Variants in SREBF2 observed in about 807,000 individuals in gnomAD.
The protein encoded by SREBF2 is sterol regulatory element binding transcription factor 2, also known as sterol regulatory element-binding protein 2.
In SREBF2, 55 loss-of-function variants were observed where a neutral mutation model predicts 113.1. The ratio of observed to expected loss-of-function variants is 0.49; its 90% CI spans 0.39 to 0.61. SREBF2 has a LOEUF of 0.61. SREBF2 is among the 20% of genes least tolerant of loss of function. The probability of loss-of-function intolerance (pLI) is 0.00; values close to 1 mark genes in which losing one functional copy is unlikely to be tolerated. For synonymous variants in SREBF2, 593 were observed against 605.7 expected, an observed-to-expected ratio of 0.98 and a Z score of 0.31; for missense variants, 1,349 against 1,487.4, an observed-to-expected ratio of 0.91 and a Z score of 1.53.
chr22:41,876,758 A>G (rs2077201007), intron 7 of SREBF2, among the ~76,000 whole-genome samples: 1 of 152,262 alleles, frequency 6.6e-6, no homozygotes, highest in Non-Finnish European at 1.5e-5. Flanking sequence ...CATAATGTAC[A>G]GTGCTATGTA....
In SREBF2 at chr22:41,833,703, G is replaced by A. The variant is rs2076739970; in HGVS notation, c.88+345G>A. On this transcript the variant is annotated intron_variant, in intron 1 of 18. Coordinates refer to ENST00000361204, the MANE Select transcript of SREBF2 (RefSeq NM_004599.4). This position sits in a 1 kb window ranked among gnomAD's most constrained non-coding sequence, Gnocchi z 4.1. ...CGCCTCCCTCGCGCGCCCACACGCGGTTTCCGTGGTCCGCTCTCCCGCCGC... is the reference window on the plus strand; with the variant it reads ...CGCCTCCCTCGCGCGCCCACACGCGATTTCCGTGGTCCGCTCTCCCGCCGC... 4.7e-6 allele frequency: 1 copy of A among 210,732 alleles called. No individual in the cohort carries two copies. The highest frequency in any genetic ancestry group is 9.4e-6 in the Non-Finnish European group (1 of 105,914). 13.1% of individuals were successfully genotyped at this position (210,732 alleles called of 1,614,324 possible).
Position 41,905,565 on chromosome 22 carries a change from C to A in SREBF2, c.3331C>A (p.Arg1111Ser), listed in dbSNP as rs769470667. The A allele has an allele frequency of 6.3e-7, 1 of 1,596,022 alleles. No individual in the cohort carries two copies. The highest frequency in any genetic ancestry group is 2.3e-5 in the East Asian group (1 of 43,888). Residue 1111 changes from arginine (R) to serine (S), a missense_variant, in exon 19 of 19, where the codon CGC (arginine) becomes AGC (serine). Coordinates refer to ENST00000361204, the MANE Select transcript of SREBF2 (RefSeq NM_004599.4). ...GGCAGTGCTGCTGGCCGAAGCTGCCCGCACCCTGGAGAAGGTGGGCGACCG... is the reference window on the plus strand; with the variant it reads ...GGCAGTGCTGCTGGCCGAAGCTGCCAGCACCCTGGAGAAGGTGGGCGACCG... ...QRAVLLAEAA[R>S]TLEKVGDRRS...
At chr22:41,876,912 C>T (rs1370115484) in intron 7 of SREBF2, among the ~76,000 whole-genome samples, 1 of 152,130 alleles carries the variant, frequency 6.6e-6, no homozygotes, top group Admixed American at 6.5e-5. Context: ...ATTCATTTTG[C>T]CTGTTCTGGA....
At chr22:41,860,988 C>A (rs1176589226) in intron 1 of SREBF2, among the ~76,000 whole-genome samples, 3 of 152,134 alleles carry the variant, frequency 2.0e-5, no homozygotes, top group Admixed American at 1.3e-4. Flanking sequence ...CAGAATGATA[C>A]CGTGGGACTC....
At chr22:41,866,123 C>G (rs1187666966) in intron 1 of SREBF2, among the ~76,000 whole-genome samples, 5 of 152,214 alleles carry the variant, frequency 3.3e-5, no homozygotes, top group African/African-American at 1.2e-4. Context: ...AACCGCTATA[C>G]TCACAGCCTT....
rs1344854395 is a variant in SREBF2, at chr22:41,900,023, A to G, written c.2739-307A>G. 3.1e-6 allele frequency: 4 copies of G among 1,304,698 alleles called. No homozygotes were observed. The African/African-American group carries it at 4.5e-5, about 15-fold the overall frequency. 80.8% of individuals were successfully genotyped at this position (1,304,698 alleles called of 1,614,324 possible). ...CCTTATTGTGGCCACTTTATAGGTA[A>G]GGAAACTGAGGCACACGTTGGAATG... On this transcript the variant is annotated intron_variant, in intron 15 of 18. Coordinates refer to ENST00000361204, the MANE Select transcript of SREBF2 (RefSeq NM_004599.4).
At chr22:41,848,174 A>G (rs1007513554) in intron 1 of SREBF2, among the ~76,000 whole-genome samples, 4 of 152,084 alleles carry the variant, frequency 2.6e-5, no homozygotes, top group Non-Finnish European at 4.4e-5. Flanking sequence ...ATATGTATAC[A>G]TGTGCAGTGC....
At chr22:41,896,118 G>C (rs183438580) in intron 13 of SREBF2, among the ~76,000 whole-genome samples, 2 of 151,370 alleles carry the variant, frequency 1.3e-5, no homozygotes, top group African/African-American at 2.4e-5. Flanking sequence ...TCCAGCCTGG[G>C]TGACAGAGCT....
At chr22:41,851,675 A>T (rs1245767401) in intron 1 of SREBF2, among the ~76,000 whole-genome samples, 1 of 151,772 alleles carries the variant, frequency 6.6e-6, no homozygotes, top group South Asian at 2.1e-4. Flanking sequence ...TTGTATTTTA[A>T]GTAGAGAGAG....
Position 41,868,607 on chromosome 22 carries a change from C to CAA in SREBF2, c.539-3_539-2dup. On this transcript the variant is annotated splice_polypyrimidine_tract_variant and splice_region_variant and intron_variant, in intron 2 of 18. Coordinates refer to ENST00000361204, the MANE Select transcript of SREBF2 (RefSeq NM_004599.4). ...CTGTGCCTTCTTTCTCCTCTTCTCC[C>CAA]AAGTCCTTCAGCCTCAAGTCCAAAG... 6.2e-7 allele frequency: 1 copy of CAA among 1,614,196 alleles called. No individual in the cohort carries two copies. The highest frequency in any genetic ancestry group is 8.5e-7 in the Non-Finnish European group (1 of 1,180,032).
intron 1 of SREBF2, among the ~76,000 whole-genome samples, chr22:41,838,880 A>G (rs895285261): frequency 6.6e-6 from 1 of 152,174 alleles, no homozygotes; most frequent in East Asian, 1.9e-4. Flanking sequence ...CCCTCATTCA[A>G]ATACCTTTCC....
At chr22:41,889,653 G>C (rs1284343560) in intron 11 of SREBF2, among the ~76,000 whole-genome samples, 2 of 150,508 alleles carry the variant, frequency 1.3e-5, no homozygotes, top group East Asian at 1.9e-4. Context: ...CCTGTGAATA[G>C]AGCCACTCCA....
intron 10 of SREBF2, among the ~76,000 whole-genome samples, chr22:41,882,323 G>A (rs1296126609): frequency 6.6e-6 from 1 of 152,170 alleles, no homozygotes; most frequent in African/African-American, 2.4e-5. Flanking sequence ...ATAGAAGGAA[G>A]AGCAACTTTC....
chr22:41,878,572 T>G (rs1404580371), intron 9 of SREBF2: 1 of 891,148 alleles, frequency 1.1e-6, no homozygotes, highest in East Asian at 6.2e-5. Context: ...AGGAACTGAT[T>G]TGGGGCTTTA....
At chr22:41,888,734 C>G (rs553408411) in intron 11 of SREBF2, among the ~76,000 whole-genome samples, 1 of 152,250 alleles carries the variant, frequency 6.6e-6, no homozygotes, top group East Asian at 1.9e-4. Context: ...TTCCTCAGAC[C>G]AAATCTGTAG....
chr22:41,862,455 G>T (rs893161888), intron 1 of SREBF2, among the ~76,000 whole-genome samples: 1 of 152,208 alleles, frequency 6.6e-6, no homozygotes, highest in African/African-American at 2.4e-5. Flanking sequence ...AGCCTAGCTC[G>T]TGGGAGGCCT....
intron 11 of SREBF2, among the ~76,000 whole-genome samples, chr22:41,887,230 A>G (rs965902125): frequency 1.1e-4 from 17 of 152,162 alleles, no homozygotes; most frequent in African/African-American, 3.4e-4. Flanking sequence ...AGAAAAAAAA[A>G]AAAGATTACA....
chr22:41,894,157 C>T (rs1461336960), intron 12 of SREBF2, among the ~76,000 whole-genome samples: 1 of 152,180 alleles, frequency 6.6e-6, no homozygotes, highest in Non-Finnish European at 1.5e-5. Flanking sequence ...CAGTCTCTGG[C>T]TCCAGGCCTT....
Position 41,892,210 on chromosome 22 carries a change from T to C in SREBF2, c.2209-907T>C, listed in dbSNP as rs546200521. On this transcript the variant is annotated intron_variant, in intron 11 of 18. Transcript: ENST00000361204. Reference sequence around the variant, plus strand: ...CCTGGGCTGTCCTCCCAGCTGCCCCTTCACTCCAGTGCCATCTGATGTGAC... The same window carrying C: ...CCTGGGCTGTCCTCCCAGCTGCCCCCTCACTCCAGTGCCATCTGATGTGAC... 4.6e-5 allele frequency among the ~76,000 whole-genome samples: 7 copies of C among 152,276 alleles called. No individual in the cohort carries two copies. The East Asian group carries it at 1.4e-3, about 29-fold the overall frequency.
Sources: allele counts gnomAD v4.1 joint callset (sites outside exome capture counted in the v4.1 genomes callset), GRCh38; gene constraint gnomAD v4.1.1; non-coding constraint Gnocchi (gnomAD v3.1); transcripts MANE v1.5; gene names NCBI Gene and HGNC (gene_info 2026-07-23, HGNC 2026-07-21).